Variants in TUBGCP4 observed in about 807,000 individuals in gnomAD.
TUBGCP4 encodes the protein tubulin gamma complex component 4.
A neutral mutation model predicts 91.6 loss-of-function variants in TUBGCP4; 54 were observed. That is an observed-to-expected ratio of 0.59 (90% CI 0.47 to 0.74). TUBGCP4 has a LOEUF of 0.74. Ranked by LOEUF, TUBGCP4 falls within the 30% of genes least tolerant of loss-of-function variation. TUBGCP4 has a pLI of 0.00. For missense variants in TUBGCP4, 593 were observed against 800.9 expected (o/e 0.74, Z 3.13); for synonymous variants, 297 against 302.8 (o/e 0.98, Z 0.20).
At chr15:43,372,231 T>G (rs1481605097) in intron 1 of TUBGCP4, among the ~76,000 whole-genome samples, 1 of 152,168 alleles carries the variant, frequency 6.6e-6, no homozygotes, top group East Asian at 1.9e-4. Context: ...AACTTTATGC[T>G]GGCCAGTCCT....
rs913368937 is a variant in TUBGCP4, at chr15:43,408,437, C to T, written c.*3223C>T. On this transcript the variant is annotated 3_prime_UTR_variant, in exon 18 of 18. Transcript: ENST00000564079. The stretch of plus-strand genomic sequence containing the variant: ...TTGAGGCTGCAGTAAGTCGTCACTG[C>T]GCCACTGTACTCCAGCCTAGGTGAC... The T allele has an allele frequency of 1.5e-5, 4 of 272,002 alleles. No individual in the cohort carries two copies. The highest frequency in any genetic ancestry group is 9.8e-5 in the Admixed American group (2 of 20,406). The allele number at this position is 272,002 out of a possible 1,614,324, so 16.8% of individuals were successfully genotyped here.
chr15:43,376,004 A>G (rs2044198182), intron 1 of TUBGCP4, 94 bp from the exon 2 acceptor site: 2 of 1,553,064 alleles, frequency 1.3e-6, no homozygotes, highest in Non-Finnish European at 1.8e-6. Flanking sequence ...ATCTTGAGAA[A>G]GAAAACGATA....
At chr15:43,399,015 A>C (rs1279108341) in intron 13 of TUBGCP4, 2 of 521,258 alleles carry the variant, frequency 3.8e-6, no homozygotes, top group African/African-American at 4.0e-5. Flanking sequence ...GTCTACATTG[A>C]AATTTCTCCA....
At position 43,408,324 on chromosome 15, in the gene TUBGCP4, CA is replaced by C. The variant is rs2142932699; in HGVS notation, c.*3117del. 9.6e-6 allele frequency: 4 copies of C among 414,712 alleles called. No individual in the cohort carries two copies. The highest frequency in any genetic ancestry group is 6.0e-5 in the South Asian group (2 of 33,202). The allele number at this position is 414,712 out of a possible 1,614,324, so 25.7% of individuals were successfully genotyped here. ...GAGACCCCATCTCTACAAAAGACAA[CA>C]AAAAAATTAGCTGGGTGTGGTGGCG... On this transcript the variant is annotated 3_prime_UTR_variant, in exon 18 of 18. Transcript: ENST00000564079.
At chr15:43,374,867 G>A (rs547489384) in intron 1 of TUBGCP4, among the ~76,000 whole-genome samples, 1 of 152,344 alleles carries the variant, frequency 6.6e-6, no homozygotes, top group South Asian at 2.1e-4. Flanking sequence ...CTACAACATG[G>A]ATGAGCTGAA....
At chr15:43,399,338 A>T (rs187755417) in intron 13 of TUBGCP4, among the ~76,000 whole-genome samples, 7 of 152,328 alleles carry the variant, frequency 4.6e-5, no homozygotes, top group African/African-American at 1.7e-4. Context: ...TCAGCGACAG[A>T]GAATCAGATT....
intron 4 of TUBGCP4, among the ~76,000 whole-genome samples, chr15:43,377,340 C>T (rs907331144): frequency 4.6e-5 from 7 of 152,082 alleles, no homozygotes; most frequent in East Asian, 1.9e-4. Flanking sequence ...AACTGCTTCC[C>T]GACTGGGCAT....
chr15:43,374,356 C>T (rs539715677), intron 1 of TUBGCP4, among the ~76,000 whole-genome samples: 31 of 152,270 alleles, frequency 2.0e-4, no homozygotes, highest in African/African-American at 6.7e-4. Flanking sequence ...CACTTGTGAT[C>T]TCAGCACTTT....
intron 5 of TUBGCP4, 146 bp downstream of exon 5, chr15:43,378,049 G>A (rs2044235344): frequency 1.6e-6 from 1 of 619,456 alleles, no homozygotes; most frequent in Non-Finnish European, 2.7e-6. Context: ...TGGTTATCAT[G>A]TTAAGTGTCA....
chr15:43,402,367 A>G (rs2044703541), intron 15 of TUBGCP4: 1 of 153,480 alleles, frequency 6.5e-6, no homozygotes, highest in South Asian at 2.0e-4. Context: ...GAATTTCTGA[A>G]ATACAGGGTG....
At chr15:43,374,200 G>A (rs548222958) in intron 1 of TUBGCP4, among the ~76,000 whole-genome samples, 1 of 152,234 alleles carries the variant, frequency 6.6e-6, no homozygotes, top group East Asian at 1.9e-4. Context: ...AGCAGTAATT[G>A]TATCTGATTT....
chr15:43,385,286 A>G, intron 7 of TUBGCP4: 1 of 453,266 alleles, frequency 2.2e-6, no homozygotes, highest in Non-Finnish European at 4.4e-6. Flanking sequence ...ATGTCTGTAC[A>G]TTTGTCTGGA....
chr15:43,371,565 T>C, intron 1 of TUBGCP4, 133 bp downstream of exon 1: 1 of 869,716 alleles, frequency 1.1e-6, no homozygotes, highest in Non-Finnish European at 1.8e-6. Flanking sequence ...GACAGGTGAC[T>C]GGAGGGCAGC....
At chr15:43,402,121 GA>G (rs897462301) in intron 15 of TUBGCP4, 243 of 243,836 alleles carry the variant, frequency 1.0e-3, no homozygotes, top group South Asian at 2.2e-3. Flanking sequence ...AAATACAGAA[GA>G]AAAAAAAAAT....
chr15:43,404,712 G>A (rs1411135650), intron 17 of TUBGCP4, 160 bp downstream of exon 17: 5 of 763,430 alleles, frequency 6.5e-6, no homozygotes, highest in Non-Finnish European at 1.0e-5. Context: ...TTTAATGGAG[G>A]TTATTTTCTA....
chr15:43,377,814 T>G (rs750628239), intron 4 of TUBGCP4, 33 bp from the exon 5 acceptor site: 1 of 1,537,818 alleles, frequency 6.5e-7, no homozygotes, highest in East Asian at 2.3e-5. Context: ...TACATTTGAT[T>G]ACATACCCTT....
chr15:43,374,878 A>G (rs1187751866), intron 1 of TUBGCP4, among the ~76,000 whole-genome samples: 1 of 152,246 alleles, frequency 6.6e-6, no homozygotes, highest in Non-Finnish European at 1.5e-5. Context: ...ATGAGCTGAA[A>G]TAAGCCAGTC....
intron 6 of TUBGCP4, among the ~76,000 whole-genome samples, chr15:43,382,251 A>G (rs2044296330): frequency 6.7e-6 from 1 of 148,446 alleles, no homozygotes; most frequent in African/African-American, 2.6e-5. Context: ...AATAAAAGAA[A>G]AAGGGATTCT....
intron 1 of TUBGCP4, among the ~76,000 whole-genome samples, chr15:43,375,364 C>T (rs958120559): frequency 5.9e-5 from 9 of 152,158 alleles, no homozygotes; most frequent in African/African-American, 2.2e-4. Context: ...GTTCTTCATA[C>T]CACTGAACTA....
Sources: allele counts gnomAD v4.1 joint callset (sites outside exome capture counted in the v4.1 genomes callset), GRCh38; gene constraint gnomAD v4.1.1; transcripts MANE v1.5; gene names NCBI Gene and HGNC (gene_info 2026-07-23, HGNC 2026-07-21).